Variants in KHDRBS2 observed in about 807,000 individuals in gnomAD.
KHDRBS2 encodes KH RNA binding domain containing, signal transduction associated 2, also known as KH domain-containing, RNA-binding, signal transduction-associated protein 2.
A neutral mutation model predicts 44.3 loss-of-function variants in KHDRBS2; 26 were observed. That is an observed-to-expected ratio of 0.59 (90% CI 0.43 to 0.81). KHDRBS2 has a LOEUF of 0.81. KHDRBS2 is among the 40% of genes least tolerant of loss of function. KHDRBS2 has a pLI of 0.00. For missense variants in KHDRBS2, 476 were observed against 433.1 expected, an observed-to-expected ratio of 1.10 and a Z score of -0.88; for synonymous variants, 194 against 151.1, an observed-to-expected ratio of 1.28 and a Z score of -2.08.
the KHDRBS2 span, among the ~76,000 whole-genome samples, chr6:61,559,171 C>T: frequency 5.3e-5 from 8 of 151,990 alleles, no homozygotes; most frequent in Admixed American, 2.6e-4. Flanking sequence ...ATATAGTGAA[C>T]TATTTTGTCT....
intron 2 of KHDRBS2, among the ~76,000 whole-genome samples, 200 bp downstream of exon 2, chr6:62,176,985 T>C (rs1821224053): frequency 6.6e-6 from 1 of 151,372 alleles, no homozygotes; most frequent in Admixed American, 6.6e-5. Context: ...AGAACAAAAA[T>C]GCTGTAGCCT....
At chr6:61,774,338 T>C (rs1004003926) in intron 6 of KHDRBS2, among the ~76,000 whole-genome samples, 1 of 151,976 alleles carries the variant, frequency 6.6e-6, no homozygotes, top group Non-Finnish European at 1.5e-5. Context: ...GTAGTTCTCC[T>C]TGAAGAGGTC....
the KHDRBS2 span, among the ~76,000 whole-genome samples, chr6:61,667,695 A>T: frequency 6.6e-6 from 1 of 151,274 alleles, no homozygotes; most frequent in African/African-American, 2.4e-5. Context: ...AGCACAGCAG[A>T]CTATTTGGCA....
At chr6:62,194,696 AG>A (rs1275739932) in intron 1 of KHDRBS2, among the ~76,000 whole-genome samples, 1 of 151,168 alleles carries the variant, frequency 6.6e-6, no homozygotes, top group Admixed American at 6.6e-5. Context: ...TAGTAGAGAC[AG>A]GGTTTCACCA....
chr6:62,206,630 C>T (rs894684444), intron 1 of KHDRBS2, among the ~76,000 whole-genome samples: 3 of 151,964 alleles, frequency 2.0e-5, no homozygotes, highest in African/African-American at 7.2e-5. Context: ...ATTTTCAAGT[C>T]AGGAATAATT....
chr6:61,574,248 G>C, the KHDRBS2 span: 1 of 941,412 alleles, frequency 1.1e-6, no homozygotes, highest in South Asian at 1.4e-5. Context: ...CCTGCCCAGT[G>C]ACATATGTTT....
chr6:62,200,978 C>T (rs766298411), intron 1 of KHDRBS2, among the ~76,000 whole-genome samples: 7 of 152,072 alleles, frequency 4.6e-5, no homozygotes, highest in Non-Finnish European at 1.0e-4. Context: ...AGCAAACTAT[C>T]GCAAGGACAA....
At chr6:61,583,571 G>T in the KHDRBS2 span, among the ~76,000 whole-genome samples, 3 of 151,532 alleles carry the variant, frequency 2.0e-5, no homozygotes, top group Non-Finnish European at 4.4e-5. Context: ...TGTTCCATTG[G>T]CCTATTTGTT....
chr6:62,032,447 C>T (rs1441195778), intron 3 of KHDRBS2, among the ~76,000 whole-genome samples: 1 of 151,908 alleles, frequency 6.6e-6, no homozygotes, highest in African/African-American at 2.4e-5. Flanking sequence ...GACTGGCTCT[C>T]CTTGCTCCTC....
intron 6 of KHDRBS2, among the ~76,000 whole-genome samples, chr6:61,804,616 A>G (rs1287434114): frequency 2.0e-5 from 3 of 152,176 alleles, no homozygotes; most frequent in Non-Finnish European, 4.4e-5. Flanking sequence ...ATTTCCATAC[A>G]TCCTCTGAAA....
At chr6:62,163,851 C>G (rs1818149494) in intron 2 of KHDRBS2, among the ~76,000 whole-genome samples, 1 of 151,924 alleles carries the variant, frequency 6.6e-6, no homozygotes, top group South Asian at 2.1e-4. Context: ...TTCTGCTTTT[C>G]TCAGTGTCTG....
chr6:62,127,002 T>G (rs73758676), intron 2 of KHDRBS2, among the ~76,000 whole-genome samples: 1,568 of 152,292 alleles, frequency 0.01, 32 homozygotes, highest in African/African-American at 0.035. Flanking sequence ...AATAAGTTAT[T>G]AAATAATGCT....
rs577206465 is a variant in KHDRBS2, at chr6:61,724,483, T to G, written c.893+8199A>C. Among the ~76,000 whole-genome samples the G allele has an allele frequency of 9.2e-5, 14 of 152,208 alleles. No homozygotes were observed. The East Asian group carries it at 2.7e-3, about 30-fold the overall frequency. ...TAACAATACTAACTTTAAAGGTAAATGGACTCATTGCCCCAATTAAAAGAC... is the reference window on the plus strand; with the variant it reads ...TAACAATACTAACTTTAAAGGTAAAGGGACTCATTGCCCCAATTAAAAGAC... On this transcript the variant is annotated intron_variant, in intron 7 of 8. Transcript: ENST00000281156.
intron 1 of KHDRBS2, among the ~76,000 whole-genome samples, chr6:62,236,518 A>C (rs1296480646): frequency 6.6e-6 from 1 of 151,952 alleles, no homozygotes; most frequent in Admixed American, 6.6e-5. Flanking sequence ...GAGCATCAAG[A>C]CCTCCATGTA....
At chr6:61,688,476 TAA>T (rs1767049172) in intron 8 of KHDRBS2, among the ~76,000 whole-genome samples, 1 of 151,920 alleles carries the variant, frequency 6.6e-6, no homozygotes, top group Non-Finnish European at 1.5e-5. Flanking sequence ...AATGGTGGTA[TAA>T]AGTAATATGG....
intron 7 of KHDRBS2, among the ~76,000 whole-genome samples, chr6:61,701,687 AC>A (rs1409194958): frequency 6.6e-6 from 1 of 151,910 alleles, no homozygotes; most frequent in Middle Eastern, 3.5e-3. Flanking sequence ...TATTAAAAAG[AC>A]AAAACAAAAC....
At chr6:61,660,716 C>T in the KHDRBS2 span, among the ~76,000 whole-genome samples, 1 of 151,750 alleles carries the variant, frequency 6.6e-6, no homozygotes, top group Non-Finnish European at 1.5e-5. Flanking sequence ...CATCCCATTT[C>T]ATTCTACAAA....
intron 4 of KHDRBS2, among the ~76,000 whole-genome samples, chr6:61,902,763 C>T (rs1467961756): frequency 6.6e-6 from 1 of 152,052 alleles, no homozygotes; most frequent in Non-Finnish European, 1.5e-5. Flanking sequence ...ATCATCTGCA[C>T]CAAACGATGT....
At position 62,286,171 on chromosome 6, in the gene KHDRBS2, C is replaced by G. The variant is rs1300508245; in HGVS notation, c.-223G>C. On this transcript the variant is annotated 5_prime_UTR_variant, in exon 1 of 9. Transcript: ENST00000281156. Reference sequence around the variant, plus strand: ...CCCGTCCCTTCCGTCGTCCCTCGCTCGCGCAGAGCCCCGGCTCACACCAGC... The same window carrying G: ...CCCGTCCCTTCCGTCGTCCCTCGCTGGCGCAGAGCCCCGGCTCACACCAGC... The G allele has an allele frequency of 1.3e-5, 7 of 545,600 alleles. No homozygotes were observed. Among genetic ancestry groups the G allele is most frequent in the Admixed American group, 1.1e-4 (3 of 27,254 alleles). 33.8% of individuals were successfully genotyped at this position (545,600 alleles called of 1,614,324 possible). A position where few individuals can be genotyped will look rare whatever the true frequency, so the allele number is the denominator to read the frequency against.
Sources: allele counts gnomAD v4.1 joint callset (sites outside exome capture counted in the v4.1 genomes callset), GRCh38; gene constraint gnomAD v4.1.1; transcripts MANE v1.5; gene names NCBI Gene and HGNC (gene_info 2026-07-23, HGNC 2026-07-21).